The following UFD1 variants were observed in gnomAD, a reference collection of about 807,000 sequenced individuals.
The protein encoded by UFD1 is ubiquitin recognition factor in ER-associated degradation protein 1.
Under a neutral mutation model 45.9 loss-of-function variants are expected in UFD1, and 13 were observed. The observed-to-expected ratio is 0.28, with a 90% confidence interval of 0.18 to 0.45. The LOEUF (loss-of-function observed/expected upper bound fraction) is 0.45. UFD1 is among the 20% of genes least tolerant of loss of function. The pLI, the probability that UFD1 is intolerant of heterozygous loss-of-function variation, is 1.00. For missense variants in UFD1, 218 were observed against 389.2 expected, an observed-to-expected ratio of 0.56 and a Z score of 3.70; for synonymous variants, 128 against 139.2, an observed-to-expected ratio of 0.92 and a Z score of 0.56.
rs2089847176 is a variant in UFD1 at position 19,471,679 on chromosome 22, C to T, written c.291+8G>A. 1 of 1,612,234 alleles carries T rather than the reference C, an allele frequency of 6.2e-7. No individual in the cohort carries two copies. Among genetic ancestry groups the T allele is most frequent in the African/African-American group, 1.3e-5 (1 of 75,010 alleles). Reference sequence around the variant, plus strand: ...CTGCTCTCTAGAGACCCTGGCAGCCCCACTCACCCAGTGTGGGAGGTAGCA... The same window carrying T: ...CTGCTCTCTAGAGACCCTGGCAGCCTCACTCACCCAGTGTGGGAGGTAGCA... On this transcript the variant is annotated splice_region_variant and intron_variant, in intron 4 of 11. Transcript: ENST00000263202.
At position 19,451,739 on chromosome 22, in the gene UFD1, C is replaced by G. The variant is rs143980068; in HGVS notation, c.850-995G>C. On this transcript the variant is annotated intron_variant, in intron 11 of 11. Coordinates refer to ENST00000263202, the MANE Select transcript of UFD1 (RefSeq NM_005659.7). ...TTGAGTCACAGCTGCATTTAGTCTTCCTTTGCCGCACAGCCTTCCATTCAT... is the reference window on the plus strand; with the variant it reads ...TTGAGTCACAGCTGCATTTAGTCTTGCTTTGCCGCACAGCCTTCCATTCAT... 2.1e-4 allele frequency: 207 copies of G among 985,444 alleles called. 1 individual carries two copies. The African/African-American group carries it at 3.4e-3, about 16-fold the overall frequency. 61.0% of individuals were successfully genotyped at this position (985,444 alleles called of 1,614,324 possible).
intron 11 of UFD1, chr22:19,450,995 G>A (rs933462214): frequency 5.9e-5 from 67 of 1,138,142 alleles, no homozygotes; most frequent in African/African-American, 3.2e-5. Flanking sequence ...AGTGTGGTAT[G>A]TGCCTATGAT....
chr22:19,475,731 G>A (rs2089876779), intron 1 of UFD1, 129 bp from the exon 2 acceptor site: 1 of 1,160,190 alleles, frequency 8.6e-7, no homozygotes. Context: ...AATCTTCAAT[G>A]TAATCTTACT....
intron 10 of UFD1, 53 bp from the exon 11 acceptor site, chr22:19,454,883 A>G: frequency 6.3e-7 from 1 of 1,574,896 alleles, no homozygotes; most frequent in Non-Finnish European, 8.6e-7. Flanking sequence ...AAAAGGACTA[A>G]AATTCATTTT....
chr22:19,451,242 T>G (rs983769111), intron 11 of UFD1: 2 of 986,372 alleles, frequency 2.0e-6, no homozygotes, highest in African/African-American at 3.5e-5. Flanking sequence ...GCCAATAAAC[T>G]TCCTGTCTAG....
Position 19,462,772 on chromosome 22 carries a change from C to CA in UFD1, c.495+2429dup, listed in dbSNP as rs570082813. On this transcript the variant is annotated intron_variant, in intron 6 of 11. Coordinates refer to ENST00000263202, the MANE Select transcript of UFD1 (RefSeq NM_005659.7). Reference sequence around the variant, plus strand: ...ACATTATTACTGCTTTATATGGCAACATTTACCCTGGATTCATATTTGCCA... The same window carrying CA: ...ACATTATTACTGCTTTATATGGCAACAATTTACCCTGGATTCATATTTGCCA... Among the ~76,000 whole-genome samples, 674 of 152,286 alleles carry CA rather than the reference C, an allele frequency of 4.4e-3. 5 individuals carry two copies. The highest frequency in any genetic ancestry group is 0.015 in the African/African-American group (629 of 41,548).
intron 3 of UFD1, among the ~76,000 whole-genome samples, chr22:19,474,000 G>T (rs906838255): frequency 6.6e-6 from 1 of 152,182 alleles, no homozygotes; most frequent in Non-Finnish European, 1.5e-5. Context: ...CTGCATCCTT[G>T]ATTGGGTTGT....
chr22:19,451,187 T>A (rs1197759212), intron 11 of UFD1: 11 of 987,188 alleles, frequency 1.1e-5, no homozygotes, highest in Non-Finnish European at 1.3e-5. Context: ...CACTTTTCTG[T>A]ACATGCTTAA....
intron 4 of UFD1, chr22:19,471,430 A>G: frequency 1.6e-5 from 12 of 728,744 alleles, no homozygotes; most frequent in Non-Finnish European, 3.0e-5. Context: ...TCACAGATGA[A>G]CAGTTCAGCT....
At chr22:19,455,129 G>A (rs998376248) in intron 10 of UFD1, among the ~76,000 whole-genome samples, 1 of 152,038 alleles carries the variant, frequency 6.6e-6, no homozygotes, top group African/African-American at 2.4e-5. Flanking sequence ...CCCTGAGGTG[G>A]CTAGACTCTC....
intron 6 of UFD1, among the ~76,000 whole-genome samples, chr22:19,458,747 A>C (rs2089743015): frequency 6.6e-6 from 1 of 152,180 alleles, no homozygotes; most frequent in African/African-American, 2.4e-5. Flanking sequence ...TCGGCCTTCG[A>C]AATTTATTCT....
In UFD1 at chr22:19,455,788, G is replaced by C. The variant is rs9618575; in HGVS notation, c.679-20C>G. 25,855 of 1,611,446 alleles carry C rather than the reference G, an allele frequency of 0.016. 3,479 individuals carry two copies. In the African/African-American group the frequency reaches 0.3, roughly 19 times the overall value. On this transcript the variant is annotated intron_variant, in intron 9 of 11. Transcript: ENST00000263202. ...GAAAGCCTAGACAGGAAGTAGGTGA[G>C]TCATATAATAAGCCCAAGTGTGAGG...
chr22:19,464,649 GAGA>G (rs1211389481), intron 6 of UFD1, among the ~76,000 whole-genome samples: 2 of 152,262 alleles, frequency 1.3e-5, no homozygotes, highest in African/African-American at 2.4e-5. Context: ...GTCAAGCCTA[GAGA>G]AGCTGCTAAG....
Position 19,454,788 on chromosome 22 carries a change from G to C in UFD1, c.810C>G (p.Phe270Leu). 6.2e-7 allele frequency: 1 copy of C among 1,614,074 alleles called. No homozygotes were observed. The highest frequency in any genetic ancestry group is 8.5e-7 in the Non-Finnish European group (1 of 1,179,990). The change falls in exon 11 of 12, where the codon TTC becomes TTG. Residue 270 changes from phenylalanine to leucine, a missense_variant. By Grantham distance (22) the Phe-to-Leu change is conservative. Coordinates refer to ENST00000263202, the MANE Select transcript of UFD1 (RefSeq NM_005659.7). ...NYEFKLGKIT[F>L]IRNSRPLVKK... ...TGACAAGGGGACGTGAATTTCTGAT[G>C]AAAGTTATCTTACCAAGTTTAAATT...
intron 4 of UFD1, chr22:19,470,090 A>G (rs546266682): frequency 5.0e-5 from 25 of 498,570 alleles, no homozygotes; most frequent in South Asian, 2.2e-4. Context: ...GATGAGCACA[A>G]TGTGGCCTCA....
At chr22:19,476,633 C>T (rs1162468685) in intron 1 of UFD1, among the ~76,000 whole-genome samples, 1 of 141,684 alleles carries the variant, frequency 7.1e-6, no homozygotes, top group Non-Finnish European at 1.5e-5. Context: ...CGCCTGAAAC[C>T]ACAGATAATA....
intron 3 of UFD1, 89 bp downstream of exon 3, chr22:19,474,978 TG>T: frequency 7.8e-7 from 1 of 1,282,196 alleles, no homozygotes; most frequent in Non-Finnish European, 1.1e-6. Flanking sequence ...CAAAGGGCAC[TG>T]GTGTCTGGAT....
Position 19,450,629 on chromosome 22 carries a change from A to G in UFD1, c.*41T>C, listed in dbSNP as rs1352924900. The G allele has an allele frequency of 1.2e-5, 19 of 1,612,934 alleles. No individual in the cohort carries two copies. The Admixed American group carries it at 3.2e-4, about 27-fold the overall frequency. The stretch of plus-strand genomic sequence containing the variant: ...GTAACTAAAAGCCAAGATGTTGCAA[A>G]TGATTCTTTTATTATTTTCCAATCA... On this transcript the variant is annotated 3_prime_UTR_variant, in exon 12 of 12. Transcript: ENST00000263202.
chr22:19,476,422 C>T (rs1203636178), intron 1 of UFD1, among the ~76,000 whole-genome samples: 1 of 152,158 alleles, frequency 6.6e-6, no homozygotes, highest in Non-Finnish European at 1.5e-5. Context: ...ACACGTTACA[C>T]TATGTTATGA....
Sources: allele counts gnomAD v4.1 joint callset (sites outside exome capture counted in the v4.1 genomes callset), GRCh38; gene constraint gnomAD v4.1.1; transcripts MANE v1.5; gene names NCBI Gene and HGNC (gene_info 2026-07-23, HGNC 2026-07-21).